Variants in ZCWPW2 observed in about 807,000 individuals in gnomAD.
The protein encoded by ZCWPW2 is zinc finger CW-type PWWP domain protein 2.
ZCWPW2 carries 45 observed loss-of-function variants against 46.6 expected under a neutral mutation model. The observed-to-expected ratio is 0.96, with a 90% CI of 0.76 to 1.24. ZCWPW2 has a LOEUF of 1.24. Ranked by LOEUF, ZCWPW2 falls within the 50% of genes most tolerant of loss-of-function variation. ZCWPW2 has a pLI of 0.00. For synonymous variants in ZCWPW2, 152 were observed against 137.1 expected (o/e 1.11, Z -0.76); for missense variants, 429 against 403.9 (o/e 1.06, Z -0.53).
intron 4 of ZCWPW2, among the ~76,000 whole-genome samples, chr3:28,456,385 G>A (rs1470839186): frequency 6.6e-6 from 1 of 152,184 alleles, no homozygotes; most frequent in Non-Finnish European, 1.5e-5. Flanking sequence ...GGGCTGAGAT[G>A]ATGGGGTTTT....
chr3:28,500,342 T>C (rs923653068), intron 6 of ZCWPW2, among the ~76,000 whole-genome samples: 5 of 152,082 alleles, frequency 3.3e-5, no homozygotes, highest in Non-Finnish European at 7.4e-5. Context: ...CATAGTTTGG[T>C]TCTCTATCCA....
intron 1 of ZCWPW2, among the ~76,000 whole-genome samples, chr3:28,376,530 A>G (rs1368436413): frequency 2.0e-5 from 3 of 152,056 alleles, no homozygotes; most frequent in Non-Finnish European, 2.9e-5. Flanking sequence ...TTCCTAGCAC[A>G]CTATGTCTGG....
At chr3:28,357,683 A>G (rs1391852182) in intron 1 of ZCWPW2, among the ~76,000 whole-genome samples, 2 of 151,674 alleles carry the variant, frequency 1.3e-5, no homozygotes, top group Non-Finnish European at 2.9e-5. Context: ...ACTTATACTG[A>G]ATTATACCAC....
At position 28,466,650 on chromosome 3, in the gene ZCWPW2, T is replaced by G. The variant is rs144354586; in HGVS notation, c.493-12164T>G. Among the ~76,000 whole-genome samples, 4 of 151,996 alleles carry G rather than the reference T, an allele frequency of 2.6e-5. No homozygotes were observed. The East Asian group carries it at 7.8e-4, about 30-fold the overall frequency. On this transcript the variant is annotated intron_variant, in intron 4 of 9. Transcript: ENST00000383768. ...CCTGTCTCTATTAAAAATACAAAAA[T>G]TAGCCAAGTGTGGTGGCACACACCT...
In ZCWPW2 at chr3:28,524,575, C is replaced by A; in HGVS notation, c.958C>A (p.His320Asn). Reference sequence around the variant, plus strand: ...TCCTGCAGGCAGTCTGTTTGAAAACCACTATGAAGAGGACTATCTTGTAAT... The same window carrying A: ...TCCTGCAGGCAGTCTGTTTGAAAACAACTATGAAGAGGACTATCTTGTAAT... ...EAPAGSLFEN[H>N]YEEDYLVIDG... The change falls in exon 10 of 10, where the codon CAC (histidine) becomes AAC (asparagine). Residue 320 changes from histidine to asparagine, a missense_variant. His to Asn is a moderately conservative substitution (Grantham distance 68). Coordinates refer to ENST00000383768, the MANE Select transcript of ZCWPW2 (RefSeq NM_001040432.4). The A allele has an allele frequency of 6.2e-7, 1 of 1,608,848 alleles. No individual in the cohort carries two copies. The highest frequency in any genetic ancestry group is 8.5e-7 in the Non-Finnish European group (1 of 1,177,664).
chr3:28,503,685 T>C (rs1479881878), intron 6 of ZCWPW2, among the ~76,000 whole-genome samples: 1 of 151,914 alleles, frequency 6.6e-6, no homozygotes, highest in Non-Finnish European at 1.5e-5. Flanking sequence ...AAAAATACAA[T>C]GTCAGTGAAA....
chr3:28,486,375 G>A (rs1490191732), intron 5 of ZCWPW2, among the ~76,000 whole-genome samples: 1 of 152,026 alleles, frequency 6.6e-6, no homozygotes, highest in East Asian at 1.9e-4. Flanking sequence ...AATAAGAAAA[G>A]TAAAAAGTTT....
At chr3:28,515,406 C>A (rs117730709) in intron 7 of ZCWPW2, 148 bp from the exon 8 acceptor site, 12 of 650,542 alleles carry the variant, frequency 1.8e-5, no homozygotes, top group African/African-American at 1.8e-4. Flanking sequence ...CTGCAACATA[C>A]TTTGTTACTA....
At chr3:28,459,836 G>C (rs1698560613) in intron 4 of ZCWPW2, among the ~76,000 whole-genome samples, 1 of 151,918 alleles carries the variant, frequency 6.6e-6, no homozygotes, top group Non-Finnish European at 1.5e-5. Context: ...TCAGATTGGG[G>C]CTTCTTTAAA....
chr3:28,380,946 A>ATATATATATATATATATTTGG (rs1695033088), intron 1 of ZCWPW2, among the ~76,000 whole-genome samples: 1 of 34,786 alleles, frequency 2.9e-5, no homozygotes, highest in Non-Finnish European at 5.0e-5. Flanking sequence ...ATATATATAT[A>ATATATATATATATATATTTGG]TATATATATA....
rs1480600833 is a variant in ZCWPW2, at chr3:28,525,218, C to T, written c.*530C>T. 1 of 152,354 alleles carries T rather than the reference C, an allele frequency of 6.6e-6. No individual in the cohort carries two copies. Among genetic ancestry groups the T allele is most frequent in the African/African-American group, 2.4e-5 (1 of 41,422 alleles). 9.4% of individuals were successfully genotyped at this position (152,354 alleles called of 1,614,324 possible). The stretch of plus-strand genomic sequence containing the variant: ...CTACTTCTACTGGAATCAGTTATTT[C>T]AACCATGGTACCCAAAACTGACTGC... On this transcript the variant is annotated 3_prime_UTR_variant, in exon 10 of 10. Coordinates refer to ENST00000383768, the MANE Select transcript of ZCWPW2 (RefSeq NM_001040432.4).
At chr3:28,440,296 GA>G (rs1697696879) in intron 4 of ZCWPW2, among the ~76,000 whole-genome samples, 1 of 152,146 alleles carries the variant, frequency 6.6e-6, no homozygotes, top group South Asian at 2.1e-4. Flanking sequence ...CAGTTTAATG[GA>G]ATCGTTGTTG....
At chr3:28,358,282 G>C (rs1462765192) in intron 1 of ZCWPW2, among the ~76,000 whole-genome samples, 3 of 152,020 alleles carry the variant, frequency 2.0e-5, no homozygotes, top group South Asian at 4.2e-4. Flanking sequence ...TTTTTTAAAA[G>C]GACCTTCTTA....
intron 3 of ZCWPW2, among the ~76,000 whole-genome samples, chr3:28,426,129 A>G (rs939345500): frequency 6.6e-6 from 1 of 151,644 alleles, no homozygotes; most frequent in Non-Finnish European, 1.5e-5. Context: ...TTATATTTAT[A>G]TATATATATG....
intron 8 of ZCWPW2, among the ~76,000 whole-genome samples, chr3:28,518,007 G>A (rs572628864): frequency 1.3e-5 from 2 of 151,820 alleles, no homozygotes; most frequent in East Asian, 2.0e-4. Context: ...GTGGTGGTAC[G>A]TGCCTGTAGT....
intron 4 of ZCWPW2, among the ~76,000 whole-genome samples, chr3:28,459,148 A>G (rs1266657216): frequency 6.6e-6 from 1 of 152,090 alleles, no homozygotes; most frequent in Admixed American, 6.5e-5. Context: ...TGGCGGGTGG[A>G]TCATGAGGTC....
intron 2 of ZCWPW2, among the ~76,000 whole-genome samples, chr3:28,412,124 G>C (rs1696424339): frequency 6.6e-6 from 1 of 151,854 alleles, no homozygotes; most frequent in Non-Finnish European, 1.5e-5. Flanking sequence ...CTTATACTTG[G>C]ATAGTATGGT....
chr3:28,410,501 TCA>T (rs1226241212), intron 2 of ZCWPW2, among the ~76,000 whole-genome samples: 1 of 151,930 alleles, frequency 6.6e-6, no homozygotes, highest in African/African-American at 2.4e-5. Flanking sequence ...AAAATCAATA[TCA>T]CACAGATTAT....
At chr3:28,404,705 A>T (rs1575097759) in intron 2 of ZCWPW2, among the ~76,000 whole-genome samples, 1 of 152,258 alleles carries the variant, frequency 6.6e-6, no homozygotes, top group Non-Finnish European at 1.5e-5. Context: ...AGCCATTAAA[A>T]AGAATGAATT....
Sources: allele counts gnomAD v4.1 joint callset (sites outside exome capture counted in the v4.1 genomes callset), GRCh38; gene constraint gnomAD v4.1.1; transcripts MANE v1.5; gene names NCBI Gene and HGNC (gene_info 2026-07-23, HGNC 2026-07-21).